The following IQSEC1 variants were observed in gnomAD, a reference collection of about 807,000 sequenced individuals.
IQSEC1 encodes the protein IQ motif and Sec7 domain ArfGEF 1, also known as IQ motif and SEC7 domain-containing protein 1.
IQSEC1 carries 31 observed loss-of-function variants against 91.0 expected under a neutral mutation model. That is an observed-to-expected ratio of 0.34 (90% CI 0.26 to 0.46). The LOEUF is 0.46. Ranked by LOEUF, IQSEC1 falls within the 20% of genes least tolerant of loss-of-function variation. The probability of loss-of-function intolerance (pLI) is 1.00; values close to 1 mark genes in which losing one functional copy is unlikely to be tolerated. For synonymous variants in IQSEC1, 699 were observed against 662.6 expected, an observed-to-expected ratio of 1.05 and a Z score of -0.84; for missense variants, 1,388 against 1,575.6, an observed-to-expected ratio of 0.88 and a Z score of 2.02.
intron 2 of IQSEC1, among the ~76,000 whole-genome samples, chr3:13,158,298 C>G (rs1159433078): frequency 6.6e-6 from 1 of 152,226 alleles, no homozygotes; most frequent in Non-Finnish European, 1.5e-5. Flanking sequence ...CTACCTGGCA[C>G]AGCAAACACT....
At chr3:13,216,676 C>A (rs569157872) in intron 1 of IQSEC1, among the ~76,000 whole-genome samples, 2 of 152,228 alleles carry the variant, frequency 1.3e-5, no homozygotes, top group South Asian at 4.2e-4. Flanking sequence ...CTGGAGGGTG[C>A]GGAAGCCAGT....
At chr3:13,021,421 A>G (rs1222081443) in intron 1 of IQSEC1, among the ~76,000 whole-genome samples, 1 of 152,160 alleles carries the variant, frequency 6.6e-6, no homozygotes, top group Admixed American at 6.5e-5. Context: ...CGTATCCAAC[A>G]CTGACTGAAT....
intron 2 of IQSEC1, among the ~76,000 whole-genome samples, chr3:13,150,589 G>A (rs1314592076): frequency 2.0e-5 from 3 of 152,182 alleles, no homozygotes; most frequent in Non-Finnish European, 2.9e-5. Flanking sequence ...GGCAGCAGGA[G>A]TTCAGGAGGA....
intron 1 of IQSEC1, among the ~76,000 whole-genome samples, chr3:13,277,208 C>A (rs1259036430): frequency 1.3e-5 from 2 of 151,200 alleles, no homozygotes; most frequent in Non-Finnish European, 2.9e-5. Flanking sequence ...TGAGAAATAG[C>A]CACCCAGCTG....
At chr3:13,039,239 G>A (rs9841637) in intron 1 of IQSEC1, among the ~76,000 whole-genome samples, 34,923 of 152,186 alleles carry the variant, frequency 0.23, 4,186 homozygotes, top group South Asian at 0.36. Context: ...ACGCAGAGGC[G>A]CCCCGTGAAG....
intron 2 of IQSEC1, among the ~76,000 whole-genome samples, chr3:13,153,883 A>C (rs1214739849): frequency 1.3e-5 from 2 of 152,092 alleles, no homozygotes; most frequent in African/African-American, 4.8e-5. Flanking sequence ...CCCAGAGAGG[A>C]AACCACACGT....
intron 2 of IQSEC1, among the ~76,000 whole-genome samples, chr3:13,104,351 C>T (rs1706110401): frequency 6.6e-6 from 1 of 152,096 alleles, no homozygotes; most frequent in African/African-American, 2.4e-5. Context: ...GACAAGCCTC[C>T]CAGTGAGTAC....
At chr3:12,980,521 C>G (rs901484842) in intron 1 of IQSEC1, among the ~76,000 whole-genome samples, 1 of 152,204 alleles carries the variant, frequency 6.6e-6, no homozygotes, top group African/African-American at 2.4e-5. Flanking sequence ...AGGTTTGGAA[C>G]CCCCTGGAGT....
intron 1 of IQSEC1, among the ~76,000 whole-genome samples, chr3:13,020,355 C>T (rs555116204): frequency 1.3e-5 from 2 of 152,336 alleles, no homozygotes; most frequent in South Asian, 2.1e-4. Flanking sequence ...CCCAAGAGAA[C>T]ACTTTAGCCC....
intron 1 of IQSEC1, among the ~76,000 whole-genome samples, chr3:12,963,894 G>A (rs377385362): frequency 1.2e-4 from 19 of 152,298 alleles, no homozygotes; most frequent in African/African-American, 4.1e-4. Flanking sequence ...AGAGAACAAC[G>A]CACTCCTCCA....
chr3:13,180,627 T>C (rs920402113), intron 1 of IQSEC1, among the ~76,000 whole-genome samples: 4 of 152,024 alleles, frequency 2.6e-5, no homozygotes, highest in African/African-American at 9.7e-5. Context: ...TAAATCTTGC[T>C]GCTGCTCACT....
Position 13,154,438 on chromosome 3 carries a change from CATATATATATATATATATAT to C in IQSEC1, c.302+9646_302+9665del, listed in dbSNP as rs774589168. Reference sequence around the variant, plus strand: ...ACACCAGGAAGCTGGAACTTACATGCATATATATATATATATATATATATATATATATATATATGCAAAAA... The same window carrying C: ...ACACCAGGAAGCTGGAACTTACATGCATATATATATATATATATGCAAAAA... On this transcript the variant is annotated intron_variant, in intron 2 of 15. Coordinates refer to the IQSEC1 transcript ENST00000648114. Among the ~76,000 whole-genome samples the C allele has an allele frequency of 1.2e-3, 24 of 20,746 alleles. 5 individuals are homozygous for C. Among genetic ancestry groups the C allele is most frequent in the African/African-American group, 2.5e-3 (11 of 4,362 alleles). The allele number at this position is 20,746 out of a possible 152,430, so 13.6% of individuals were successfully genotyped here.
At chr3:13,268,292 G>T (rs1695531836) in intron 1 of IQSEC1, among the ~76,000 whole-genome samples, 1 of 152,190 alleles carries the variant, frequency 6.6e-6, no homozygotes, top group African/African-American at 2.4e-5. Flanking sequence ...CCCTAGACAA[G>T]AACTTCACCT....
Position 12,967,803 on chromosome 3 carries a change from CTG to C in IQSEC1, c.24-25940_24-25939del. 3.5e-6 allele frequency: 2 copies of C among 564,558 alleles called. No homozygotes were observed. Among genetic ancestry groups the C allele is most frequent in the African/African-American group, 2.1e-5 (1 of 48,332 alleles). The allele number at this position is 564,558 out of a possible 1,614,324, so 35.0% of individuals were successfully genotyped here. A position where few individuals can be genotyped will look rare whatever the true frequency, so the allele number is the denominator to read the frequency against. ...GCCGGAGGGCGAGCTGGGGGCGGGGCTGCGCGCGGGGGCGAGACTGCACGGAG... is the reference window on the plus strand; with the variant it reads ...GCCGGAGGGCGAGCTGGGGGCGGGGCCGCGCGGGGGCGAGACTGCACGGAG... On this transcript the variant is annotated intron_variant, in intron 1 of 13. Transcript: ENST00000613206. The surrounding 1 kb of genome is among the most constrained non-coding windows in gnomAD (Gnocchi z 5.9).
intron 6 of IQSEC1, 98 bp downstream of exon 6, chr3:12,920,332 A>G (rs1457753240): frequency 8.9e-6 from 11 of 1,232,478 alleles, no homozygotes; most frequent in Non-Finnish European, 1.3e-5. Context: ...CAGCTCCCCA[A>G]CTGGAGGTTG....
intron 1 of IQSEC1, among the ~76,000 whole-genome samples, chr3:13,224,046 C>T (rs960741037): frequency 6.6e-6 from 1 of 152,146 alleles, no homozygotes; most frequent in African/African-American, 2.4e-5. Context: ...GTTGCTCAAT[C>T]TCCAGTTCCT....
intron 2 of IQSEC1, among the ~76,000 whole-genome samples, chr3:13,112,013 C>T (rs1001437178): frequency 5.3e-5 from 8 of 152,322 alleles, no homozygotes; most frequent in South Asian, 4.1e-4. Context: ...GCCCCAGCCC[C>T]TGCACCCTCA....
chr3:13,204,808 T>TC (rs1332931479), intron 1 of IQSEC1, among the ~76,000 whole-genome samples: 2 of 149,578 alleles, frequency 1.3e-5, no homozygotes, highest in African/African-American at 2.5e-5. Flanking sequence ...TTTCTTTCTT[T>TC]TTTTTTTTTT....
At chr3:12,964,165 A>G (rs1259451864) in intron 1 of IQSEC1, among the ~76,000 whole-genome samples, 1 of 152,260 alleles carries the variant, frequency 6.6e-6, no homozygotes, top group African/African-American at 2.4e-5. Context: ...CAGCTCATGC[A>G]GTGGGAGCAG....
Sources: gnomAD v4.1 joint callset for allele counts (sites outside exome capture counted in the v4.1 genomes callset) on GRCh38, gnomAD v4.1.1 for gene constraint, Gnocchi (gnomAD v3.1) non-coding constraint, MANE v1.5 for transcripts, NCBI Gene and HGNC (gene_info 2026-07-23, HGNC 2026-07-21) for gene names.